The following KRT32 variants were observed in gnomAD, a reference collection of about 807,000 sequenced individuals.
The protein encoded by KRT32 is keratin 32.
In KRT32, 44 loss-of-function variants were observed where a neutral mutation model predicts 41.8. The observed-to-expected ratio is 1.05, with a 90% CI of 0.83 to 1.35. The LOEUF (loss-of-function observed/expected upper bound fraction) is 1.35. Ranked by LOEUF, KRT32 falls within the 40% of genes most tolerant of loss-of-function variation. The pLI, the probability that KRT32 is intolerant of heterozygous loss-of-function variation, is 0.00. For missense variants in KRT32, 576 were observed against 584.6 expected (o/e 0.99, Z 0.15); for synonymous variants, 238 against 242.5 (o/e 0.98, Z 0.17).
At chr17:41,460,319 A>G (rs1383094651) in intron 6 of KRT32, 80 bp from the exon 7 acceptor site, 1 of 1,497,998 alleles carries the variant, frequency 6.7e-7, no homozygotes, top group Non-Finnish European at 9.1e-7. Flanking sequence ...CTCCCCTCGG[A>G]TGCCTCTCAA....
In KRT32 at chr17:41,467,312, C is replaced by T; in HGVS notation, c.14G>A (p.Cys5Tyr). ...GGCTTGCAAGTTGTTGGTGACACAGCAGGAGGATGTCATGTTGGAGAGGCC... is the reference window on the plus strand; with the variant it reads ...GGCTTGCAAGTTGTTGGTGACACAGTAGGAGGATGTCATGTTGGAGAGGCC... The part of the protein sequence containing the change: MTSS[C>Y]CVTNNLQASL... Residue 5 changes from cysteine (C) to tyrosine (Y), a missense_variant, in exon 1 of 7, where the codon TGC becomes TAC. Cys to Tyr is a radical substitution (Grantham distance 194, BLOSUM62 -2). Coordinates refer to ENST00000225899, the MANE Select transcript of KRT32 (RefSeq NM_002278.3). 1 of 1,607,550 alleles carries T rather than the reference C, an allele frequency of 6.2e-7. No homozygotes were observed. The highest frequency in any genetic ancestry group is 8.5e-7 in the Non-Finnish European group (1 of 1,176,502).
chr17:41,462,689 A>G (rs1334577262), intron 6 of KRT32, 141 bp downstream of exon 6: 1 of 912,720 alleles, frequency 1.1e-6, no homozygotes, highest in African/African-American at 1.7e-5. Flanking sequence ...GACTTCCTTC[A>G]GAGCATACCA....
At chr17:41,460,555 CA>C (rs2018992229) in intron 6 of KRT32, among the ~76,000 whole-genome samples, 1 of 152,142 alleles carries the variant, frequency 6.6e-6, no homozygotes, top group Non-Finnish European at 1.5e-5. Context: ...GGATGAAAAG[CA>C]GCTTCCTCTG....
In KRT32 at chr17:41,467,293, C is replaced by T. The variant is rs766870071; in HGVS notation, c.33G>A (p.Leu11=). The change falls in exon 1 of 7, where the codon TTG becomes TTA. Residue 11 remains leucine (L), a synonymous_variant. Coordinates refer to ENST00000225899, the MANE Select transcript of KRT32 (RefSeq NM_002278.3). ...GGGGGCAGCTCTTGAGAGAGGCTTG[C>T]AAGTTGTTGGTGACACAGCAGGAGG... MTSSCCVTNN[L]QASLKSCPRP... is the part of the protein sequence containing the mutation. 6.8e-6 allele frequency: 11 copies of T among 1,612,040 alleles called. No homozygotes were observed. The African/African-American group carries it at 1.2e-4, about 18-fold the overall frequency.
Position 41,467,168 on chromosome 17 carries a change from G to A in KRT32, c.158C>T (p.Pro53Leu). Residue 53 changes from proline (P) to leucine (L), a missense_variant, in exon 1 of 7, where the codon CCC becomes CTC. Transcript: ENST00000225899. ...GCAGCTGGCTGGCCGGAAGGTGGTG[G>A]GCAGGCAGACCGAAGGCAGGCATGC... Reference protein sequence around the residue: ...PMACLPSVCLPTTFRPASCLS... With the variant: ...PMACLPSVCLLTTFRPASCLS... 2 of 1,614,076 alleles carry A rather than the reference G, an allele frequency of 1.2e-6. No individual in the cohort carries two copies. Among genetic ancestry groups the A allele is most frequent in the South Asian group, 1.1e-5 (1 of 91,086 alleles).
chr17:41,467,363 G>T lies in KRT32; in HGVS notation c.-38C>A. ...CTTTCTCCTCAGCCACAGCTACCTG[G>T]ATGTCTACAGACCCCATGCCGCCCG... On this transcript the variant is annotated 5_prime_UTR_variant, in exon 1 of 7. Transcript: ENST00000225899. The T allele has an allele frequency of 2.0e-6, 3 of 1,510,084 alleles. No individual in the cohort carries two copies. Among genetic ancestry groups the T allele is most frequent in the Non-Finnish European group, 2.7e-6 (3 of 1,108,518 alleles). 93.5% of individuals were successfully genotyped at this position (1,510,084 alleles called of 1,614,324 possible). A position where few individuals can be genotyped will look rare whatever the true frequency, so the allele number is the denominator to read the frequency against.
At chr17:41,462,547 C>G (rs1474677451) in intron 6 of KRT32, among the ~76,000 whole-genome samples, 1 of 152,212 alleles carries the variant, frequency 6.6e-6, no homozygotes, top group Non-Finnish European at 1.5e-5. Flanking sequence ...AATGCCCTGT[C>G]TTCCTCTATC....
At chr17:41,460,924 C>T (rs916031131) in intron 6 of KRT32, among the ~76,000 whole-genome samples, 7 of 152,130 alleles carry the variant, frequency 4.6e-5, no homozygotes, top group Non-Finnish European at 7.4e-5. Flanking sequence ...CCTGCTCCCA[C>T]CTCTTGCCCC....
chr17:41,464,026 C>A, intron 5 of KRT32, 52 bp downstream of exon 5: 1 of 1,489,362 alleles, frequency 6.7e-7, no homozygotes, highest in Non-Finnish European at 8.9e-7. Flanking sequence ...TGCACCTATG[C>A]TCAGTACCGC....
chr17:41,465,940 A>G lies in KRT32; in HGVS notation c.552-11T>C. 2 of 1,610,748 alleles carry G rather than the reference A, an allele frequency of 1.2e-6. No homozygotes were observed. The highest frequency in any genetic ancestry group is 1.3e-5 in the African/African-American group (1 of 74,960). On this transcript the variant is annotated splice_polypyrimidine_tract_variant and intron_variant, in intron 2 of 6. Transcript: ENST00000225899. ...AGCTCTGCCTCGTACCTGCACAAGG[A>G]CAGGGTCAGCAACCAAGGGTGAAAC...
chr17:41,465,852 G>A lies in KRT32; in HGVS notation c.629C>T (p.Thr210Ile). The change falls in exon 3 of 7, where the codon ACT (threonine) becomes ATT (isoleucine). Residue 210 changes from threonine (T) to isoleucine (I), a missense_variant. Coordinates refer to ENST00000225899, the MANE Select transcript of KRT32 (RefSeq NM_002278.3). Reference protein sequence around the residue: ...NGLRRILDDLTLCKADLEAQV... With the variant: ...NGLRRILDDLILCKADLEAQV... ...GGCCTCCAGGTCAGCCTTGCACAGA[G>A]TGAGATCATCCAGGATCCTGCGCAG... 3 of 1,614,080 alleles carry A rather than the reference G, an allele frequency of 1.9e-6. No individual in the cohort carries two copies. Among genetic ancestry groups the A allele is most frequent in the Non-Finnish European group, 2.5e-6 (3 of 1,179,980 alleles).
intron 6 of KRT32, among the ~76,000 whole-genome samples, chr17:41,461,346 T>A (rs1185156260): frequency 6.6e-6 from 1 of 152,010 alleles, no homozygotes; most frequent in Non-Finnish European, 1.5e-5. Context: ...TAATACATGG[T>A]GAAAGGAAAA....
At position 41,460,073 on chromosome 17, in the gene KRT32, C is replaced by G; in HGVS notation, c.*37G>C. 1 of 1,563,992 alleles carries G rather than the reference C, an allele frequency of 6.4e-7. No homozygotes were observed. Among genetic ancestry groups the G allele is most frequent in the African/African-American group, 1.4e-5 (1 of 74,062 alleles). On this transcript the variant is annotated 3_prime_UTR_variant, in exon 7 of 7. Coordinates refer to ENST00000225899, the MANE Select transcript of KRT32 (RefSeq NM_002278.3). ...GGCCACTGAATACCAGGCTGCCCAG[C>G]CCCAGGCCCTCCAGGATCCACTGGC...
chr17:41,466,893 A>T lies in KRT32; in HGVS notation c.433T>A (p.Ser145Thr), dbSNP rs1246701567. 6.2e-7 allele frequency: 1 copy of T among 1,613,880 alleles called. No homozygotes were observed. The highest frequency in any genetic ancestry group is 8.5e-7 in the Non-Finnish European group (1 of 1,179,934). ...QVLTMTPDYQ[S>T]HFRTIEELQQ... ...AGCTCCTCAATGGTCCTGAAATGAG[A>T]CTGGTAGTCAGGAGTCATGGTGAGC... is the stretch of plus-strand genomic sequence containing the variant. Residue 145 changes from serine (S) to threonine (T), a missense_variant, in exon 1 of 7, where the codon TCT becomes ACT. Physicochemically the swap from Ser to Thr is moderately conservative, Grantham distance 58. Transcript: ENST00000225899.
Position 41,462,975 on chromosome 17 carries a change from T to C in KRT32, c.1072A>G (p.Ile358Val), listed in dbSNP as rs1289090027. ...SSQLAQMQCMITNVEAQLAEI... is the reference protein window; with the variant it reads ...SSQLAQMQCMVTNVEAQLAEI... The stretch of plus-strand genomic sequence containing the variant: ...GCCAGCTGGGCCTCAACGTTGGTGA[T>C]CATGCACTGCATCTGGGCCAGCTGG... The change falls in exon 6 of 7, where the codon ATC (isoleucine) becomes GTC (valine). Residue 358 changes from isoleucine (I) to valine (V), a missense_variant. Transcript: ENST00000225899. The C allele has an allele frequency of 3.7e-6, 6 of 1,614,032 alleles. No individual in the cohort carries two copies. The highest frequency in any genetic ancestry group is 4.5e-5 in the East Asian group (2 of 44,868).
chr17:41,462,743 G>A, intron 6 of KRT32, 87 bp downstream of exon 6: 1 of 1,402,748 alleles, frequency 7.1e-7, no homozygotes, highest in Non-Finnish European at 9.9e-7. Context: ...CTAAGCTGAT[G>A]GTCCCTCAAG....
intron 6 of KRT32, among the ~76,000 whole-genome samples, chr17:41,460,698 G>A (rs1276675368): frequency 6.6e-6 from 1 of 152,100 alleles, no homozygotes; most frequent in Non-Finnish European, 1.5e-5. Context: ...GGGGCCTGTC[G>A]AGAGGTGAGG....
Position 41,462,957 on chromosome 17 carries a change from G to A in KRT32, c.1090C>T (p.Gln364Ter). ...MQCMITNVEA[Q>*]LAEIRADLER... ...AGGTCAGCCCGGATCTCAGCCAGCTGGGCCTCAACGTTGGTGATCATGCAC... is the reference window on the plus strand; with the variant it reads ...AGGTCAGCCCGGATCTCAGCCAGCTAGGCCTCAACGTTGGTGATCATGCAC... Residue 364 changes from glutamine to a stop codon, truncating the protein, a stop_gained, in exon 6 of 7, where the codon CAG (glutamine) becomes TAG (stop). Coordinates refer to ENST00000225899, the MANE Select transcript of KRT32 (RefSeq NM_002278.3). LOFTEE classifies it high-confidence loss of function. The A allele has an allele frequency of 6.2e-7, 1 of 1,614,034 alleles. No homozygotes were observed. Among genetic ancestry groups the A allele is most frequent in the Non-Finnish European group, 8.5e-7 (1 of 1,179,928 alleles).
In KRT32 at chr17:41,460,165, C is replaced by T; in HGVS notation, c.1292G>A (p.Cys431Tyr). The T allele has an allele frequency of 1.2e-6, 2 of 1,613,684 alleles. No homozygotes were observed. Among genetic ancestry groups the T allele is most frequent in the Non-Finnish European group, 1.7e-6 (2 of 1,179,788 alleles). ...AGGCATGCCAACAGTGCGTGGCACACAGACGGTGCGGGGCACGCATGGGGA... is the reference window on the plus strand; with the variant it reads ...AGGCATGCCAACAGTGCGTGGCACATAGACGGTGCGGGGCACGCATGGGGA... ...VPSPCVPRTVCVPRTVGMPCS... is the reference protein window; with the variant it reads ...VPSPCVPRTVYVPRTVGMPCS... The change falls in exon 7 of 7, where the codon TGT becomes TAT. Residue 431 changes from cysteine to tyrosine, a missense_variant. Physicochemically the swap from Cys to Tyr is radical, Grantham distance 194. Transcript: ENST00000225899.
Sources: allele counts gnomAD v4.1 joint callset (sites outside exome capture counted in the v4.1 genomes callset), GRCh38; gene constraint gnomAD v4.1.1; transcripts MANE v1.5; gene names NCBI Gene and HGNC (gene_info 2026-07-23, HGNC 2026-07-21).